Variants in PARD3 observed in about 807,000 individuals in gnomAD.
PARD3 encodes partitioning defective 3 homolog.
PARD3 carries 75 observed loss-of-function variants against 155.4 expected under a neutral mutation model. The ratio of observed to expected loss-of-function variants is 0.48; its 90% confidence interval spans 0.40 to 0.58. The LOEUF (loss-of-function observed/expected upper bound fraction) is 0.58. Ranked by LOEUF, PARD3 falls within the 20% of genes least tolerant of loss-of-function variation. The probability of loss-of-function intolerance (pLI) is 0.00; values close to 1 mark genes in which losing one functional copy is unlikely to be tolerated. For missense variants in PARD3, 1,642 were observed against 1,721.7 expected (o/e 0.95, Z 0.82); for synonymous variants, 576 against 610.5 (o/e 0.94, Z 0.83).
At chr10:34,153,096 A>AT (rs1948850406) in intron 22 of PARD3, among the ~76,000 whole-genome samples, 1 of 152,226 alleles carries the variant, frequency 6.6e-6, no homozygotes. Context: ...ATTCACAGAA[A>AT]TTGGGGGAAA....
At chr10:34,649,121 A>G (rs1043714468) in intron 2 of PARD3, among the ~76,000 whole-genome samples, 1 of 152,178 alleles carries the variant, frequency 6.6e-6, no homozygotes, top group Non-Finnish European at 1.5e-5. Flanking sequence ...ATACAGAGAC[A>G]TGCATCGCTT....
Position 34,342,752 on chromosome 10 carries a change from C to T in PARD3, c.2219-936G>A, listed in dbSNP as rs560131870. ...AAAGGAGAAAAATTTATTTAAATTG[C>T]TACATCTTTTCAGGATAACCCACAA... is the stretch of plus-strand genomic sequence containing the variant. On this transcript the variant is annotated intron_variant, in intron 15 of 24. Coordinates refer to ENST00000374788, the MANE Select transcript of PARD3 (RefSeq NM_001184785.2). 2.6e-5 allele frequency among the ~76,000 whole-genome samples: 4 copies of T among 152,214 alleles called. No homozygotes were observed. The South Asian group carries it at 8.3e-4, about 32-fold the overall frequency.
chr10:34,231,857 G>T (rs758936922), intron 22 of PARD3, among the ~76,000 whole-genome samples: 3 of 151,930 alleles, frequency 2.0e-5, no homozygotes, highest in African/African-American at 4.8e-5. Flanking sequence ...TCAGCAGTGT[G>T]GCCTGTTGAT....
chr10:34,567,227 ATC>A (rs1482485673), intron 2 of PARD3, among the ~76,000 whole-genome samples: 1 of 152,248 alleles, frequency 6.6e-6, no homozygotes, highest in Non-Finnish European at 1.5e-5. Context: ...AAGTACTGAT[ATC>A]AACATTTATA....
intron 22 of PARD3, among the ~76,000 whole-genome samples, chr10:34,239,874 A>C (rs1164056764): frequency 6.6e-6 from 1 of 152,206 alleles, no homozygotes. Context: ...ATTATCTGAA[A>C]ATGAAAAAAT....
intron 7 of PARD3, among the ~76,000 whole-genome samples, chr10:34,393,977 A>C (rs1390526238): frequency 6.6e-6 from 1 of 151,726 alleles, no homozygotes; most frequent in Non-Finnish European, 1.5e-5. Flanking sequence ...GGCTGGGATT[A>C]CAGGCGCACA....
chr10:34,242,753 G>A (rs1296596644), intron 22 of PARD3, among the ~76,000 whole-genome samples: 1 of 152,094 alleles, frequency 6.6e-6, no homozygotes, highest in Non-Finnish European at 1.5e-5. Context: ...GACCAACATG[G>A]TGAAACTCTG....
At chr10:34,264,423 A>G (rs1955190296) in intron 22 of PARD3, among the ~76,000 whole-genome samples, 1 of 152,246 alleles carries the variant, frequency 6.6e-6, no homozygotes, top group African/African-American at 2.4e-5. Context: ...TTTTGGCTTC[A>G]TGAAATAGAA....
intron 8 of PARD3, among the ~76,000 whole-genome samples, chr10:34,383,872 G>C (rs1842093995): frequency 6.6e-6 from 1 of 152,156 alleles, no homozygotes; most frequent in Non-Finnish European, 1.5e-5. Context: ...TCCAAAAGGA[G>C]AGGAACCAGC....
At chr10:34,204,175 T>C (rs906973066) in intron 22 of PARD3, among the ~76,000 whole-genome samples, 8 of 152,194 alleles carry the variant, frequency 5.3e-5, no homozygotes, top group Non-Finnish European at 1.2e-4. Flanking sequence ...TATTCCCTTT[T>C]CAAAGAAAGT....
chr10:34,158,643 A>G (rs1240307823), intron 22 of PARD3, among the ~76,000 whole-genome samples: 3 of 152,088 alleles, frequency 2.0e-5, no homozygotes, highest in Non-Finnish European at 4.4e-5. Context: ...TATGGCAACT[A>G]TCTCTGTGAT....
intron 2 of PARD3, among the ~76,000 whole-genome samples, chr10:34,668,278 C>A (rs573782812): frequency 6.6e-6 from 1 of 152,162 alleles, no homozygotes; most frequent in African/African-American, 2.4e-5. Flanking sequence ...CAAAAAAGTT[C>A]TGTGGTTACT....
At chr10:34,363,606 CT>C (rs1381153751) in intron 12 of PARD3, among the ~76,000 whole-genome samples, 1 of 152,210 alleles carries the variant, frequency 6.6e-6, no homozygotes, top group Non-Finnish European at 1.5e-5. Flanking sequence ...GTATAGGAAT[CT>C]CCATATTCTG....
intron 11 of PARD3, among the ~76,000 whole-genome samples, chr10:34,373,762 C>T (rs756368039): frequency 2.0e-5 from 3 of 151,948 alleles, no homozygotes; most frequent in Non-Finnish European, 4.4e-5. Flanking sequence ...GAAATTTCCA[C>T]AAAATCCACA....
At chr10:34,328,495 T>C (rs1377098059) in intron 19 of PARD3, among the ~76,000 whole-genome samples, 1 of 152,084 alleles carries the variant, frequency 6.6e-6, no homozygotes, top group East Asian at 1.9e-4. Flanking sequence ...ACACCCTTTT[T>C]AAAAACTAAA....
At chr10:34,800,686 T>G (rs1470445421) in intron 1 of PARD3, among the ~76,000 whole-genome samples, 1 of 152,092 alleles carries the variant, frequency 6.6e-6, no homozygotes. Context: ...ATCTCCTCCT[T>G]GCTGTCTGAG....
chr10:34,634,618 GAAACAA>G, intron 2 of PARD3, among the ~76,000 whole-genome samples: 1 of 152,170 alleles, frequency 6.6e-6, no homozygotes, highest in African/African-American at 2.4e-5. Flanking sequence ...AAGAAGGAAA[GAAACAA>G]AAACAGGGCA....
rs560452933 is a variant in PARD3, at chr10:34,319,196, C to T, written c.2834-1858G>A. On this transcript the variant is annotated intron_variant, in intron 19 of 24. Coordinates refer to ENST00000374788, the MANE Select transcript of PARD3 (RefSeq NM_001184785.2). ...CTCCACCTCCCGGGTTCATGTGATT[C>T]TCCTGCCTCAGCCCCCCAAGTAGCT... is the stretch of plus-strand genomic sequence containing the variant. Among the ~76,000 whole-genome samples the T allele has an allele frequency of 6.6e-5, 10 of 150,852 alleles. No homozygotes were observed. In the South Asian group the frequency reaches 2.1e-3, roughly 32 times the overall value.
intron 22 of PARD3, among the ~76,000 whole-genome samples, chr10:34,263,952 G>A (rs1056046149): frequency 3.3e-5 from 5 of 152,192 alleles, no homozygotes; most frequent in Admixed American, 1.3e-4. Context: ...TATTTGACCA[G>A]GGGATAGTTC....
Sources: allele counts gnomAD v4.1 joint callset (sites outside exome capture counted in the v4.1 genomes callset), GRCh38; gene constraint gnomAD v4.1.1; transcripts MANE v1.5; gene names NCBI Gene and HGNC (gene_info 2026-07-23, HGNC 2026-07-21).